The following NALF1 variants were observed in gnomAD, a reference collection of about 807,000 sequenced individuals.
NALF1 encodes family with sequence similarity 155 member A.
In NALF1, 3 loss-of-function variants were observed where a neutral mutation model predicts 48.4. The observed-to-expected ratio is 0.06, with a 90% CI of 0.03 to 0.16. NALF1 has a LOEUF of 0.16. NALF1 is among the 10% of genes least tolerant of loss of function. The pLI is 1.00. For synonymous variants in NALF1, 262 were observed against 245.7 expected (o/e 1.07, Z -0.62); for missense variants, 526 against 571.5 (o/e 0.92, Z 0.81).
At position 107,845,987 on chromosome 13, in the gene NALF1, C is replaced by CA. The variant is rs553417671; in HGVS notation, c.915+19694dup. 9.7e-4 allele frequency among the ~76,000 whole-genome samples: 147 copies of CA among 151,658 alleles called. No individual in the cohort carries two copies. The Middle Eastern group carries it at 0.01, about 11-fold the overall frequency. ...TGAATATATATATTAGAGTATACAG[C>CA]AAAAAAAATAGTACCAATCATAAGC... is the stretch of plus-strand genomic sequence containing the variant. On this transcript the variant is annotated intron_variant, in intron 1 of 2. Transcript: ENST00000375915.
At chr13:107,805,061 G>A (rs1409456372) in intron 1 of NALF1, among the ~76,000 whole-genome samples, 2 of 152,110 alleles carry the variant, frequency 1.3e-5, no homozygotes, top group African/African-American at 4.8e-5. Flanking sequence ...CACTGACTTG[G>A]AGGGTGACCT....
rs528145439 is a variant in NALF1, at chr13:107,412,269, G to A, written c.916-201514C>T. ...CAAGCACCAGTCTAAGCATGTCACG[G>A]AAGTTGTCTCATTTAATCTGAGTTA... On this transcript the variant is annotated intron_variant, in intron 1 of 2. Transcript: ENST00000375915. Among the ~76,000 whole-genome samples, 3 of 152,238 alleles carry A rather than the reference G, an allele frequency of 2.0e-5. No homozygotes were observed. In the East Asian group the frequency reaches 5.8e-4, roughly 29 times the overall value.
chr13:107,539,737 T>C (rs1594118380), intron 1 of NALF1, among the ~76,000 whole-genome samples: 1 of 152,162 alleles, frequency 6.6e-6, no homozygotes, highest in East Asian at 1.9e-4. Flanking sequence ...CAATGGCTCT[T>C]TGAAATGTTC....
chr13:107,467,450 T>G (rs1296595323), intron 1 of NALF1, among the ~76,000 whole-genome samples: 1 of 151,294 alleles, frequency 6.6e-6, no homozygotes, highest in Non-Finnish European at 1.5e-5. Flanking sequence ...CTTCCATTTC[T>G]ATGTGAAATA....
At chr13:107,725,906 C>G (rs571371235) in intron 1 of NALF1, among the ~76,000 whole-genome samples, 2 of 151,952 alleles carry the variant, frequency 1.3e-5, no homozygotes, top group South Asian at 4.1e-4. Flanking sequence ...CAGGAAAAAC[C>G]CATTCAGCTG....
At chr13:107,621,575 T>G (rs1879517752) in intron 1 of NALF1, among the ~76,000 whole-genome samples, 1 of 152,218 alleles carries the variant, frequency 6.6e-6, no homozygotes, top group South Asian at 2.1e-4. Context: ...TTTCAAATGA[T>G]TGCGTGATTT....
intron 1 of NALF1, among the ~76,000 whole-genome samples, chr13:107,504,087 A>ACTAAAAATACAAAAATTAGC: frequency 6.6e-6 from 1 of 151,994 alleles, no homozygotes; most frequent in East Asian, 1.9e-4. Flanking sequence ...TCCTGTCTCT[A>ACTAAAAATACAAAAATTAGC]CTAAAAATAC....
At chr13:107,707,182 A>G (rs796176874) in intron 1 of NALF1, among the ~76,000 whole-genome samples, 6 of 152,100 alleles carry the variant, frequency 3.9e-5, no homozygotes, top group African/African-American at 1.4e-4. Context: ...TCGGCCTCCC[A>G]AAGTGCTGGG....
At chr13:107,798,494 C>T (rs1206592299) in intron 1 of NALF1, among the ~76,000 whole-genome samples, 1 of 152,114 alleles carries the variant, frequency 6.6e-6, no homozygotes, top group East Asian at 1.9e-4. Flanking sequence ...CTTTCCTTCC[C>T]TTATCAATCT....
chr13:107,594,712 C>A (rs920680339), intron 1 of NALF1, among the ~76,000 whole-genome samples: 1 of 151,914 alleles, frequency 6.6e-6, no homozygotes, highest in African/African-American at 2.4e-5. Flanking sequence ...ATTTGAGTGA[C>A]CCAAAATCAA....
At chr13:107,189,420 T>C (rs1057458802) in intron 2 of NALF1, among the ~76,000 whole-genome samples, 1 of 152,226 alleles carries the variant, frequency 6.6e-6, no homozygotes, top group Non-Finnish European at 1.5e-5. Flanking sequence ...ATATATCATT[T>C]AATTTTCCTC....
chr13:107,810,893 T>C (rs1878967808), intron 1 of NALF1, among the ~76,000 whole-genome samples: 1 of 152,184 alleles, frequency 6.6e-6, no homozygotes, highest in Admixed American at 6.6e-5. Context: ...TGCCTCTCTA[T>C]TCTGTCCTCT....
intron 1 of NALF1, among the ~76,000 whole-genome samples, chr13:107,712,998 G>A (rs191221256): frequency 2.0e-5 from 3 of 152,260 alleles, no homozygotes; most frequent in East Asian, 1.9e-4. Context: ...ACTGGGGAGC[G>A]AGCCCTTCTC....
intron 1 of NALF1, among the ~76,000 whole-genome samples, chr13:107,806,694 G>A (rs904695904): frequency 1.3e-5 from 2 of 152,114 alleles, no homozygotes; most frequent in East Asian, 3.9e-4. Flanking sequence ...CTAGGATTAT[G>A]ATAGTTTCCA....
intron 1 of NALF1, among the ~76,000 whole-genome samples, chr13:107,689,088 G>T (rs1412115614): frequency 2.0e-5 from 3 of 152,166 alleles, no homozygotes; most frequent in African/African-American, 7.2e-5. Flanking sequence ...GCTTCCCTGG[G>T]GAGATATTTT....
intron 1 of NALF1, among the ~76,000 whole-genome samples, chr13:107,823,062 C>T (rs1217007831): frequency 1.3e-5 from 2 of 152,162 alleles, no homozygotes; most frequent in African/African-American, 2.4e-5. Context: ...ATGGGAAATG[C>T]TGTTGTCAAA....
intron 1 of NALF1, among the ~76,000 whole-genome samples, chr13:107,394,592 G>C (rs1448562996): frequency 1.3e-5 from 2 of 152,046 alleles, no homozygotes; most frequent in Non-Finnish European, 2.9e-5. Flanking sequence ...TCACAGAAAG[G>C]TTTCTTTAAA....
At chr13:107,799,448 C>T (rs2138594901) in intron 1 of NALF1, among the ~76,000 whole-genome samples, 1 of 152,256 alleles carries the variant, frequency 6.6e-6, no homozygotes, top group South Asian at 2.1e-4. Flanking sequence ...CACCAGTTTT[C>T]TTGAATCTTT....
intron 1 of NALF1, among the ~76,000 whole-genome samples, chr13:107,712,674 A>G (rs1482375332): frequency 6.6e-6 from 1 of 152,228 alleles, no homozygotes; most frequent in Non-Finnish European, 1.5e-5. Flanking sequence ...TGCTATACTC[A>G]TAATTTTCCT....
Sources: allele counts gnomAD v4.1 joint callset (sites outside exome capture counted in the v4.1 genomes callset), GRCh38; gene constraint gnomAD v4.1.1; transcripts MANE v1.5; gene names NCBI Gene and HGNC (gene_info 2026-07-23, HGNC 2026-07-21).